Variants in UBTD2 observed in about 807,000 individuals in gnomAD.
UBTD2 encodes the protein ubiquitin domain-containing protein 2.
Under a neutral mutation model 19.8 loss-of-function variants are expected in UBTD2, and 9 were observed. That is an observed-to-expected ratio of 0.46 (90% CI 0.27 to 0.79). UBTD2 has a LOEUF of 0.79. Ranked by LOEUF, UBTD2 falls within the 30% of genes least tolerant of loss-of-function variation. The pLI, the probability that UBTD2 is intolerant of heterozygous loss-of-function variation, is 0.14. For missense variants in UBTD2, 250 were observed against 300.4 expected (o/e 0.83, Z 1.24); for synonymous variants, 98 against 103.9 (o/e 0.94, Z 0.35).
At chr5:172,259,569 T>G (rs1755225331) in intron 1 of UBTD2, among the ~76,000 whole-genome samples, 2 of 152,112 alleles carry the variant, frequency 1.3e-5, no homozygotes, top group African/African-American at 4.8e-5. Flanking sequence ...GTATATATGT[T>G]GTATGTGTAT....
Position 172,253,457 on chromosome 5 carries a change from A to ATT in UBTD2, c.71-19101_71-19100dup, listed in dbSNP as rs11292185. Among the ~76,000 whole-genome samples, 317 of 145,938 alleles carry ATT rather than the reference A, an allele frequency of 2.2e-3. 8 individuals carry two copies. The East Asian group carries it at 0.039, about 18-fold the overall frequency. ...GATATTGTCAATATCAACCCTATCAATTTTTTTTTTTTTTTGAGATGGAGT... is the reference window on the plus strand; with the variant it reads ...GATATTGTCAATATCAACCCTATCAATTTTTTTTTTTTTTTTTGAGATGGAGT... On this transcript the variant is annotated intron_variant, in intron 1 of 2. Transcript: ENST00000393792.
intron 1 of UBTD2, among the ~76,000 whole-genome samples, chr5:172,256,344 T>A (rs559838901): frequency 6.6e-6 from 1 of 152,048 alleles, no homozygotes; most frequent in South Asian, 2.1e-4. Flanking sequence ...TAAAAATGTT[T>A]ATGTTAGGTG....
In UBTD2 at chr5:172,209,707, C is replaced by T. The variant is rs772299471; in HGVS notation, c.*2123G>A. On this transcript the variant is annotated 3_prime_UTR_variant, in exon 3 of 3. Transcript: ENST00000393792. ...ATAAACCCTACATACTAAAATTATA[C>T]ACATCAAGTACTGGTCCAATCTTAT... 6.7e-6 allele frequency: 1 copy of T among 150,008 alleles called. No individual in the cohort carries two copies. Among genetic ancestry groups the T allele is most frequent in the Non-Finnish European group, 1.5e-5 (1 of 67,648 alleles). The allele number at this position is 150,008 out of a possible 1,614,324, so 9.3% of individuals were successfully genotyped here. A position where few individuals can be genotyped will look rare whatever the true frequency, so the allele number is the denominator to read the frequency against.
intron 2 of UBTD2, among the ~76,000 whole-genome samples, chr5:172,230,945 G>A (rs1771882455): frequency 6.6e-6 from 1 of 152,012 alleles, no homozygotes; most frequent in Non-Finnish European, 1.5e-5. Context: ...CACAAGGCCT[G>A]GCTAATCCTT....
At chr5:172,264,571 A>AC (rs967066508) in intron 1 of UBTD2, among the ~76,000 whole-genome samples, 7 of 135,732 alleles carry the variant, frequency 5.2e-5, no homozygotes, top group African/African-American at 1.3e-4. Context: ...TAAAAAAAAA[A>AC]AAAAACAAAA....
chr5:172,257,937 T>C (rs1209978625), intron 1 of UBTD2, among the ~76,000 whole-genome samples: 1 of 152,224 alleles, frequency 6.6e-6, no homozygotes, highest in African/African-American at 2.4e-5. Context: ...TTACAAATAT[T>C]TTCTCCCATT....
chr5:172,238,452 A>G (rs1405237706), intron 1 of UBTD2, among the ~76,000 whole-genome samples: 2 of 152,208 alleles, frequency 1.3e-5, no homozygotes, highest in African/African-American at 2.4e-5. Context: ...TTCAGAAAAT[A>G]TCCTTTCCCC....
chr5:172,214,385 G>C (rs1428766699), intron 2 of UBTD2, among the ~76,000 whole-genome samples: 1 of 152,206 alleles, frequency 6.6e-6, no homozygotes, highest in Non-Finnish European at 1.5e-5. Context: ...AGCTTAGTTG[G>C]AAAGCAGAAC....
chr5:172,233,204 A>C (rs1013344480), intron 2 of UBTD2, among the ~76,000 whole-genome samples: 1 of 152,244 alleles, frequency 6.6e-6, no homozygotes, highest in Non-Finnish European at 1.5e-5. Flanking sequence ...TTCAACAATG[A>C]AAGTCCCTGT....
chr5:172,228,140 T>C (rs577044023), intron 2 of UBTD2, among the ~76,000 whole-genome samples: 46 of 152,358 alleles, frequency 3.0e-4, no homozygotes, highest in Non-Finnish European at 6.0e-4. Context: ...AACAATTTAC[T>C]ATTTTGAAGT....
At chr5:172,265,745 C>G (rs960223269) in intron 1 of UBTD2, among the ~76,000 whole-genome samples, 27 of 152,216 alleles carry the variant, frequency 1.8e-4, no homozygotes, top group Middle Eastern at 3.4e-3. Flanking sequence ...GGCACTATAC[C>G]AGATACTAGG....
intron 1 of UBTD2, among the ~76,000 whole-genome samples, chr5:172,281,090 G>C (rs902154107): frequency 1.3e-5 from 2 of 152,124 alleles, no homozygotes; most frequent in African/African-American, 4.8e-5. Context: ...TTTAAAGACA[G>C]AGTCTCACTA....
intron 1 of UBTD2, among the ~76,000 whole-genome samples, chr5:172,244,853 C>T (rs1754837432): frequency 6.6e-6 from 1 of 151,288 alleles, no homozygotes; most frequent in Non-Finnish European, 1.5e-5. Flanking sequence ...CTCAGCCTCC[C>T]GAGTAGCTGA....
chr5:172,247,351 G>A (rs1219851298), intron 1 of UBTD2, among the ~76,000 whole-genome samples: 2 of 151,898 alleles, frequency 1.3e-5, no homozygotes, highest in Non-Finnish European at 2.9e-5. Context: ...CAGAAACTGA[G>A]AGAATTACAG....
At chr5:172,239,973 C>T (rs911195326) in intron 1 of UBTD2, among the ~76,000 whole-genome samples, 1 of 152,186 alleles carries the variant, frequency 6.6e-6, no homozygotes, top group Non-Finnish European at 1.5e-5. Context: ...TATAGCACTC[C>T]ATGTCTTACT....
At chr5:172,249,394 G>A (rs187041625) in intron 1 of UBTD2, among the ~76,000 whole-genome samples, 10 of 96,100 alleles carry the variant, frequency 1.0e-4, no homozygotes, top group African/African-American at 3.9e-4. Context: ...GCAAGACTCC[G>A]TCTCATGAAA....
chr5:172,233,685 G>A (rs1223543948), intron 2 of UBTD2, among the ~76,000 whole-genome samples: 1 of 151,948 alleles, frequency 6.6e-6, no homozygotes, highest in African/African-American at 2.4e-5. Flanking sequence ...ATGACTAAAA[G>A]GAGCATCCTC....
At chr5:172,254,121 A>G (rs981270218) in intron 1 of UBTD2, among the ~76,000 whole-genome samples, 1 of 152,108 alleles carries the variant, frequency 6.6e-6, no homozygotes, top group African/African-American at 2.4e-5. Context: ...TTCTTTTGAG[A>G]CAGAGTCTCG....
chr5:172,269,364 G>A (rs554337858), intron 1 of UBTD2, among the ~76,000 whole-genome samples: 42 of 151,802 alleles, frequency 2.8e-4, no homozygotes, highest in Middle Eastern at 3.4e-3. Flanking sequence ...AGTGGTGTGC[G>A]CCTGTAATAC....
Sources: gnomAD v4.1 joint callset for allele counts (sites outside exome capture counted in the v4.1 genomes callset) on GRCh38, gnomAD v4.1.1 for gene constraint, MANE v1.5 for transcripts, NCBI Gene and HGNC (gene_info 2026-07-23, HGNC 2026-07-21) for gene names.